TMEM41B: variants seen among roughly 807,000 people sequenced by gnomAD.
TMEM41B encodes protein stasimon.
TMEM41B carries 18 observed loss-of-function variants against 31.9 expected under a neutral mutation model. The ratio of observed to expected loss-of-function variants is 0.56; its 90% confidence interval spans 0.39 to 0.84. The LOEUF (loss-of-function observed/expected upper bound fraction) is 0.84, where lower values mean the gene tolerates loss of function less well. TMEM41B is among the 40% of genes least tolerant of loss of function. The pLI is 0.00. For missense variants in TMEM41B, 322 were observed against 348.0 expected, an observed-to-expected ratio of 0.93 and a Z score of 0.59; for synonymous variants, 144 against 124.3, an observed-to-expected ratio of 1.16 and a Z score of -1.05.
intron 1 of TMEM41B, among the ~76,000 whole-genome samples, chr11:9,301,489 C>G (rs530059254): frequency 2.4e-4 from 37 of 152,298 alleles, no homozygotes; most frequent in African/African-American, 8.9e-4. Flanking sequence ...TACTGAACTG[C>G]CTATACTCTC....
rs778766544 is a variant in TMEM41B, at chr11:9,281,365, G to A, written c.*2059C>T. ...TGCTAGAAATAATAAATAATCTCAC[G>A]CAAAAGGCCAGGTGACATAAGAATA... On this transcript the variant is annotated 3_prime_UTR_variant, in exon 7 of 7. Coordinates refer to ENST00000528080, the MANE Select transcript of TMEM41B (RefSeq NM_015012.4). 6.6e-6 allele frequency: 1 copy of A among 152,060 alleles called. No homozygotes were observed. Among genetic ancestry groups the A allele is most frequent in the African/African-American group, 2.4e-5 (1 of 41,402 alleles). 9.4% of individuals were successfully genotyped at this position (152,060 alleles called of 1,614,324 possible). A position where few individuals can be genotyped will look rare whatever the true frequency, so the allele number is the denominator to read the frequency against.
At chr11:9,292,348 C>A (rs79302200) in intron 3 of TMEM41B, among the ~76,000 whole-genome samples, 8,914 of 152,184 alleles carry the variant, frequency 0.059, 357 homozygotes, top group South Asian at 0.1. Context: ...TTCTCTTACA[C>A]TGAAAAATCT....
intron 2 of TMEM41B, among the ~76,000 whole-genome samples, chr11:9,296,560 A>C (rs1213390359): frequency 1.2e-4 from 17 of 143,086 alleles, no homozygotes; most frequent in Non-Finnish European, 2.4e-4. Context: ...CGGGAGGCAG[A>C]GGCTGCAGTG....
Position 9,283,112 on chromosome 11 carries a change from T to A in TMEM41B, c.*312A>T, listed in dbSNP as rs527316588. 1 of 176,020 alleles carries A rather than the reference T, an allele frequency of 5.7e-6. No individual in the cohort carries two copies. Among genetic ancestry groups the A allele is most frequent in the East Asian group, 1.5e-4 (1 of 6,726 alleles). 10.9% of individuals were successfully genotyped at this position (176,020 alleles called of 1,614,324 possible). ...AAAGATAAAAAATATTCAATTAAAT[T>A]GAATGAATTAGCTGGATCAACAATT... On this transcript the variant is annotated 3_prime_UTR_variant, in exon 7 of 7. Coordinates refer to ENST00000528080, the MANE Select transcript of TMEM41B (RefSeq NM_015012.4).
intron 1 of TMEM41B, chr11:9,311,174 G>A (rs934279879): frequency 7.9e-7 from 1 of 1,268,854 alleles, no homozygotes; most frequent in African/African-American, 1.5e-5. Flanking sequence ...CGGGGGTAGG[G>A]TGTGGGGAGC....
At chr11:9,288,943 GA>G (rs1439130473) in intron 3 of TMEM41B, among the ~76,000 whole-genome samples, 5 of 151,896 alleles carry the variant, frequency 3.3e-5, no homozygotes, top group Non-Finnish European at 7.4e-5. Flanking sequence ...AAAGGAATAG[GA>G]ACTACAAGAG....
At chr11:9,290,176 C>T (rs915069219) in intron 3 of TMEM41B, among the ~76,000 whole-genome samples, 12 of 152,056 alleles carry the variant, frequency 7.9e-5, no homozygotes, top group African/African-American at 2.7e-4. Flanking sequence ...GTCAGGAGAT[C>T]GAGACCATCC....
chr11:9,285,960 C>T (rs2133609437), intron 6 of TMEM41B, among the ~76,000 whole-genome samples: 1 of 152,132 alleles, frequency 6.6e-6, no homozygotes, highest in African/African-American at 2.4e-5. Flanking sequence ...ACTAATAATA[C>T]AAAAATTAGC....
At chr11:9,313,061 G>A (rs372942919) in intron 1 of TMEM41B, among the ~76,000 whole-genome samples, 1 of 152,154 alleles carries the variant, frequency 6.6e-6, no homozygotes, top group South Asian at 2.1e-4. Context: ...CCTCAAATGA[G>A]ATGTCAATTT....
intron 1 of TMEM41B, among the ~76,000 whole-genome samples, chr11:9,299,990 A>G (rs1008235803): frequency 1.3e-5 from 2 of 152,142 alleles, no homozygotes; most frequent in African/African-American, 2.4e-5. Context: ...ATGGTGGTGC[A>G]TGCCTGTAAT....
chr11:9,297,130 G>A (rs1853114982), intron 2 of TMEM41B, among the ~76,000 whole-genome samples: 1 of 152,126 alleles, frequency 6.6e-6, no homozygotes, highest in African/African-American at 2.4e-5. Flanking sequence ...TGTCGCCCAG[G>A]TTGGAGTGCA....
At chr11:9,293,096 G>A (rs935264039) in intron 3 of TMEM41B, among the ~76,000 whole-genome samples, 1 of 152,052 alleles carries the variant, frequency 6.6e-6, no homozygotes, top group African/African-American at 2.4e-5. Context: ...TCTCCCTACA[G>A]GTAAACATTT....
intron 1 of TMEM41B, 106 bp downstream of exon 1, chr11:9,314,215 C>T: frequency 1.5e-6 from 2 of 1,356,634 alleles, no homozygotes; most frequent in East Asian, 2.8e-5. Flanking sequence ...CGCCAGCAGG[C>T]CCCCCTCTTT....
intron 3 of TMEM41B, among the ~76,000 whole-genome samples, chr11:9,290,190 C>A (rs1852922949): frequency 6.6e-6 from 1 of 152,030 alleles, no homozygotes; most frequent in Admixed American, 6.6e-5. Context: ...ACCATCCTGG[C>A]CAACATGGTG....
chr11:9,309,934 CAA>C (rs986873221), intron 1 of TMEM41B, among the ~76,000 whole-genome samples: 3 of 148,104 alleles, frequency 2.0e-5, no homozygotes, highest in Non-Finnish European at 3.0e-5. Flanking sequence ...AAAAAAAAAA[CAA>C]AAGAACAAAA....
At chr11:9,305,532 G>A (rs1853368277) in intron 1 of TMEM41B, among the ~76,000 whole-genome samples, 4 of 152,160 alleles carry the variant, frequency 2.6e-5, no homozygotes, top group African/African-American at 7.2e-5. Context: ...CCTGGGAGGT[G>A]GAGGTTGTGG....
Position 9,283,229 on chromosome 11 carries a change from C to T in TMEM41B, c.*195G>A, listed in dbSNP as rs1473903074. ...TACCTTAACTATTGATAGCACTTTTCACAGTATACCAATTTCCATTTTTAC... is the reference window on the plus strand; with the variant it reads ...TACCTTAACTATTGATAGCACTTTTTACAGTATACCAATTTCCATTTTTAC... On this transcript the variant is annotated 3_prime_UTR_variant, in exon 7 of 7. Coordinates refer to ENST00000528080, the MANE Select transcript of TMEM41B (RefSeq NM_015012.4). 2 of 487,920 alleles carry T rather than the reference C, an allele frequency of 4.1e-6. No homozygotes were observed. The highest frequency in any genetic ancestry group is 3.9e-5 in the Admixed American group (1 of 25,846). 30.2% of individuals were successfully genotyped at this position (487,920 alleles called of 1,614,324 possible). A position where few individuals can be genotyped will look rare whatever the true frequency, so the allele number is the denominator to read the frequency against.
intron 1 of TMEM41B, among the ~76,000 whole-genome samples, chr11:9,310,021 A>G (rs940163696): frequency 1.3e-5 from 2 of 151,542 alleles, no homozygotes; most frequent in African/African-American, 4.8e-5. Context: ...TTGTGTTCCA[A>G]GTAATGTATT....
At chr11:9,311,727 G>C in intron 1 of TMEM41B, 1 of 713,648 alleles carries the variant, frequency 1.4e-6, no homozygotes, top group Non-Finnish European at 2.6e-6. Flanking sequence ...CTGCTGCCTG[G>C]GCTTGATGCA....
Sources: allele counts gnomAD v4.1 joint callset (sites outside exome capture counted in the v4.1 genomes callset), GRCh38; gene constraint gnomAD v4.1.1; transcripts MANE v1.5; gene names NCBI Gene and HGNC (gene_info 2026-07-23, HGNC 2026-07-21).